Variants in OLFM3 observed in about 807,000 individuals in gnomAD.
OLFM3 encodes noelin-3.
Under a neutral mutation model 48.6 loss-of-function variants are expected in OLFM3, and 20 were observed. That is an observed-to-expected ratio of 0.41 (90% CI 0.29 to 0.60). OLFM3 has a LOEUF of 0.60. OLFM3 is among the 20% of genes least tolerant of loss of function. The pLI is 0.28. For synonymous variants in OLFM3, 222 were observed against 198.1 expected (o/e 1.12, Z -1.01); for missense variants, 437 against 544.3 (o/e 0.80, Z 1.96).
intron 1 of OLFM3, among the ~76,000 whole-genome samples, chr1:101,940,774 A>G (rs1235878856): frequency 1.3e-5 from 2 of 150,930 alleles, no homozygotes; most frequent in Non-Finnish European, 3.0e-5. Context: ...GTGTGTATAT[A>G]TATACACACA....
At chr1:101,896,670 A>ATTTTT (rs3079210) in intron 1 of OLFM3, among the ~76,000 whole-genome samples, 1 of 105,704 alleles carries the variant, frequency 9.5e-6, no homozygotes, top group African/African-American at 3.6e-5. Flanking sequence ...GATTTTTTGT[A>ATTTTT]TTTTTTTTTT....
At chr1:101,951,774 A>C (rs1180025295) in intron 1 of OLFM3, among the ~76,000 whole-genome samples, 5 of 152,168 alleles carry the variant, frequency 3.3e-5, no homozygotes, top group Non-Finnish European at 7.4e-5. Flanking sequence ...TCCAGTCTTT[A>C]AGATAAGGGA....
At chr1:101,936,582 T>A (rs1221725128) in intron 1 of OLFM3, among the ~76,000 whole-genome samples, 1 of 152,136 alleles carries the variant, frequency 6.6e-6, no homozygotes, top group African/African-American at 2.4e-5. Context: ...CCAACAACAT[T>A]CTTCACAGAA....
intron 1 of OLFM3, among the ~76,000 whole-genome samples, chr1:101,957,781 A>G (rs1463324591): frequency 6.6e-6 from 1 of 152,048 alleles, no homozygotes; most frequent in Admixed American, 6.6e-5. Context: ...AAATTGACAA[A>G]TAACCAATTC....
chr1:101,996,167 T>C (rs1661549856), intron 1 of OLFM3, among the ~76,000 whole-genome samples: 1 of 152,112 alleles, frequency 6.6e-6, no homozygotes, highest in Non-Finnish European at 1.5e-5. Context: ...ATTTTCTTAA[T>C]GAAAAGGAAG....
In OLFM3 at chr1:101,956,993, T is replaced by TA. The variant is rs201916870; in HGVS notation, c.69+39754dup. Among the ~76,000 whole-genome samples, 1,306 of 150,386 alleles carry TA rather than the reference T, an allele frequency of 8.7e-3. 23 individuals are homozygous for TA. Among genetic ancestry groups the TA allele is most frequent in the African/African-American group, 0.029 (1,192 of 41,102 alleles). Reference sequence around the variant, plus strand: ...CTAGGATCTCTAATAGCAGAAACAATAAAAAAAAAGTGGCTGTAGATCAAA... The same window carrying TA: ...CTAGGATCTCTAATAGCAGAAACAATAAAAAAAAAAGTGGCTGTAGATCAAA... On this transcript the variant is annotated intron_variant, in intron 1 of 5. Transcript: ENST00000370103.
In OLFM3 at chr1:101,825,173, A is replaced by G. The variant is rs1199890188; in HGVS notation, c.445T>C (p.Leu149=). ...VLEQYKTDAK[L]ITQFKEEIRN... is the part of the protein sequence containing the mutation. ...ATTTCCTCCTTGAACTGGGTGATTA[A>G]CTTAGCATCTGTTTTGTACTGTTCC... Residue 149 remains leucine (L), a synonymous_variant, in exon 4 of 6, where the codon TTA becomes CTA. Transcript: ENST00000370103. 6.2e-7 allele frequency: 1 copy of G among 1,614,066 alleles called. No homozygotes were observed. The highest frequency in any genetic ancestry group is 8.5e-7 in the Non-Finnish European group (1 of 1,179,966).
At chr1:101,910,041 C>T (rs1040314673) in intron 1 of OLFM3, 2 of 985,248 alleles carry the variant, frequency 2.0e-6, no homozygotes, top group Admixed American at 6.1e-5. Context: ...CTCACCTTTC[C>T]CCTCCATTCT....
In OLFM3 at chr1:101,825,116, G is replaced by C. The variant is rs61806268; in HGVS notation, c.502C>G (p.Gln168Glu). Reference protein sequence around the residue: ...RNLSAVLTGIQEEIGAYDYEE... With the variant: ...RNLSAVLTGIEEEIGAYDYEE... Reference sequence around the variant, plus strand: ...TAGTCATAGGCACCAATTTCCTCCTGAATACCAGTGAGGACAGCAGACAGA... The same window carrying C: ...TAGTCATAGGCACCAATTTCCTCCTCAATACCAGTGAGGACAGCAGACAGA... The change falls in exon 4 of 6, where the codon CAG (glutamine) becomes GAG (glutamate). Residue 168 changes from glutamine to glutamate, a missense_variant. Coordinates refer to ENST00000370103, the MANE Select transcript of OLFM3 (RefSeq NM_058170.4). 13 of 1,613,848 alleles carry C rather than the reference G, an allele frequency of 8.1e-6. No homozygotes were observed. Among genetic ancestry groups the C allele is most frequent in the Non-Finnish European group, 1.1e-5 (13 of 1,179,782 alleles).
At position 101,804,892 on chromosome 1, in the gene OLFM3, A is replaced by G. The variant is rs907092220; in HGVS notation, c.723T>C (p.Thr241=). The G allele has an allele frequency of 1.6e-5, 25 of 1,611,040 alleles. No individual in the cohort carries two copies. Among genetic ancestry groups the G allele is most frequent in the Non-Finnish European group, 2.1e-5 (25 of 1,178,446 alleles). ...NNRVWYMDSY[T]NNKIVREYKS... ...TGTATTCACGAACAATTTTATTGTTAGTATAACTGTCCATGTACCAGACCT... is the reference window on the plus strand; with the variant it reads ...TGTATTCACGAACAATTTTATTGTTGGTATAACTGTCCATGTACCAGACCT... Residue 241 remains threonine (T), a synonymous_variant, in exon 6 of 6, where the codon ACT becomes ACC. Transcript: ENST00000370103. The surrounding 1 kb of genome is among the most constrained non-coding windows in gnomAD (Gnocchi z 4.5).
chr1:101,966,317 T>TTTTTTGTGTG (rs371512942), intron 1 of OLFM3, among the ~76,000 whole-genome samples: 1 of 128,062 alleles, frequency 7.8e-6, no homozygotes, highest in Non-Finnish European at 1.6e-5. Flanking sequence ...CCTGGCTAAT[T>TTTTTTGTGTG]TGTGTGTGTG....
chr1:101,970,322 TTTTCAC>T (rs1367907784), intron 1 of OLFM3, among the ~76,000 whole-genome samples: 3 of 152,208 alleles, frequency 2.0e-5, no homozygotes, highest in Non-Finnish European at 4.4e-5. Flanking sequence ...AGCCTTTTTC[TTTTCAC>T]TTTAAGATTA....
intron 1 of OLFM3, chr1:101,894,188 A>G (rs909163975): frequency 5.9e-5 from 9 of 152,922 alleles, no homozygotes; most frequent in Non-Finnish European, 1.3e-4. Flanking sequence ...AAATTAAAGG[A>G]AGAATAAATA....
intron 1 of OLFM3, chr1:101,846,793 C>T: frequency 7.4e-7 from 1 of 1,347,408 alleles, no homozygotes; most frequent in Non-Finnish European, 1.1e-6. Context: ...AAAACAAAGC[C>T]CACTAAATGC....
chr1:101,830,587 A>G, intron 3 of OLFM3, 85 bp downstream of exon 3: 6 of 1,422,804 alleles, frequency 4.2e-6, no homozygotes, highest in Non-Finnish European at 5.9e-6. Flanking sequence ...GCCAATGCAC[A>G]TTCATTTCTA....
At chr1:101,970,050 G>A (rs1386308833) in intron 1 of OLFM3, among the ~76,000 whole-genome samples, 2 of 149,970 alleles carry the variant, frequency 1.3e-5, no homozygotes, top group Admixed American at 6.6e-5. Flanking sequence ...GAATCTTGCT[G>A]TGTTGCCCAG....
chr1:101,852,409 T>C (rs1656257892), intron 1 of OLFM3, among the ~76,000 whole-genome samples: 1 of 152,074 alleles, frequency 6.6e-6, no homozygotes, highest in Non-Finnish European at 1.5e-5. Context: ...GAATTTACTT[T>C]CTCCTTTTTG....
chr1:101,928,915 G>A (rs566371480), intron 1 of OLFM3, among the ~76,000 whole-genome samples: 1 of 152,214 alleles, frequency 6.6e-6, no homozygotes, highest in South Asian at 2.1e-4. Flanking sequence ...GATGTTTGAT[G>A]CTGTGGCTGT....
chr1:101,903,409 A>G (rs752857272), intron 1 of OLFM3, among the ~76,000 whole-genome samples: 1 of 152,124 alleles, frequency 6.6e-6, no homozygotes, highest in Non-Finnish European at 1.5e-5. Context: ...AATTAGACAT[A>G]GTTCTGCCTG....
Sources: gnomAD v4.1 joint callset for allele counts (sites outside exome capture counted in the v4.1 genomes callset) on GRCh38, gnomAD v4.1.1 for gene constraint, Gnocchi (gnomAD v3.1) non-coding constraint, MANE v1.5 for transcripts, NCBI Gene and HGNC (gene_info 2026-07-23, HGNC 2026-07-21) for gene names.